The following ATG7 variants were observed in gnomAD, a reference collection of about 807,000 sequenced individuals.
The protein encoded by ATG7 is ubiquitin-like modifier-activating enzyme ATG7.
In ATG7, 70 loss-of-function variants were observed where a neutral mutation model predicts 82.4. The observed-to-expected ratio is 0.85, with a 90% CI of 0.70 to 1.04. The LOEUF is 1.04. Ranked by LOEUF, ATG7 falls within the 50% of genes least tolerant of loss-of-function variation. The pLI is 0.00. For missense variants in ATG7, 792 were observed against 864.3 expected, an observed-to-expected ratio of 0.92 and a Z score of 1.05; for synonymous variants, 287 against 313.0, an observed-to-expected ratio of 0.92 and a Z score of 0.88.
At chr3:11,546,543 C>G (rs767268054) in intron 20 of ATG7, among the ~76,000 whole-genome samples, 1 of 152,168 alleles carries the variant, frequency 6.6e-6, no homozygotes, top group Non-Finnish European at 1.5e-5. Flanking sequence ...GTGCCATTCC[C>G]AAGGTAATTA....
chr3:11,514,994 C>G (rs1293457943), intron 20 of ATG7, among the ~76,000 whole-genome samples: 1 of 151,810 alleles, frequency 6.6e-6, no homozygotes. Context: ...GTGCGCACCA[C>G]CACACCCAGC....
At chr3:11,297,297 G>T (rs1946088634) in intron 3 of ATG7, among the ~76,000 whole-genome samples, 1 of 152,200 alleles carries the variant, frequency 6.6e-6, no homozygotes, top group Admixed American at 6.5e-5. Flanking sequence ...GGCTGAGGTT[G>T]CAGTGAGCTG....
At chr3:11,562,166 G>C (rs2073081721), downstream of ATG7, among the ~76,000 whole-genome samples, 1 of 152,056 alleles carries the variant, frequency 6.6e-6, no homozygotes, top group African/African-American at 2.4e-5. Flanking sequence ...CAAAGGGCTG[G>C]GATTACAGGT....
At chr3:11,346,046 C>T (rs193189946) in intron 13 of ATG7, among the ~76,000 whole-genome samples, 13 of 152,200 alleles carry the variant, frequency 8.5e-5, no homozygotes, top group Admixed American at 3.3e-4. Flanking sequence ...AAAAATGATG[C>T]CTGTCTATGA....
intron 18 of ATG7, among the ~76,000 whole-genome samples, chr3:11,367,446 T>C (rs1033769594): frequency 6.6e-6 from 1 of 152,154 alleles, no homozygotes; most frequent in Admixed American, 6.6e-5. Context: ...AGTAGAAAAG[T>C]GATAGTCCTT....
At chr3:11,508,677 T>C (rs141027703) in intron 20 of ATG7, among the ~76,000 whole-genome samples, 222 of 152,298 alleles carry the variant, frequency 1.5e-3, no homozygotes, top group African/African-American at 5.1e-3. Context: ...TCTCCAACTC[T>C]TGGGCTCAAG....
intron 11 of ATG7, among the ~76,000 whole-genome samples, chr3:11,338,384 G>A (rs1952895341): frequency 6.6e-6 from 1 of 152,118 alleles, no homozygotes; most frequent in African/African-American, 2.4e-5. Context: ...CAGATTCCAT[G>A]TCTTTGATGT....
At chr3:11,459,935 G>A (rs1036487649) in intron 20 of ATG7, among the ~76,000 whole-genome samples, 1 of 152,174 alleles carries the variant, frequency 6.6e-6, no homozygotes, top group Non-Finnish European at 1.5e-5. Context: ...TGTGTGTTAG[G>A]AACAGTGCTT....
chr3:11,488,676 T>C (rs1055244578), intron 20 of ATG7, among the ~76,000 whole-genome samples: 18 of 152,204 alleles, frequency 1.2e-4, no homozygotes, highest in Admixed American at 2.0e-4. Context: ...GAATGATTCT[T>C]CTGGTTCTGT....
intron 7 of ATG7, among the ~76,000 whole-genome samples, chr3:11,312,730 A>G (rs904598279): frequency 8.5e-5 from 13 of 152,372 alleles, no homozygotes; most frequent in Middle Eastern, 3.4e-3. Flanking sequence ...GCATGCATAC[A>G]TATGTGAATA....
intron 18 of ATG7, among the ~76,000 whole-genome samples, chr3:11,374,455 G>A (rs2077242416): frequency 6.6e-6 from 1 of 152,206 alleles, no homozygotes; most frequent in Non-Finnish European, 1.5e-5. Context: ...AGTCCTAAAT[G>A]TGAGAGCTAA....
At chr3:11,470,409 A>G (rs977969898) in intron 20 of ATG7, among the ~76,000 whole-genome samples, 1 of 152,174 alleles carries the variant, frequency 6.6e-6, no homozygotes, top group African/African-American at 2.4e-5. Context: ...AATAGTAAGG[A>G]TTTGAGTATG....
At chr3:11,491,364 T>C (rs2090338033) in intron 20 of ATG7, among the ~76,000 whole-genome samples, 1 of 152,210 alleles carries the variant, frequency 6.6e-6, no homozygotes, top group Non-Finnish European at 1.5e-5. Flanking sequence ...ATTCTAGTTA[T>C]ACATTCGTCT....
At chr3:11,381,776 T>G (rs780459854) in intron 19 of ATG7, among the ~76,000 whole-genome samples, 1 of 152,242 alleles carries the variant, frequency 6.6e-6, no homozygotes, top group Non-Finnish European at 1.5e-5. Context: ...TCATGTGGTC[T>G]GAGTATTAAA....
intron 19 of ATG7, among the ~76,000 whole-genome samples, chr3:11,385,034 T>G (rs1006239689): frequency 5.9e-5 from 9 of 152,072 alleles, no homozygotes; most frequent in Non-Finnish European, 1.0e-4. Flanking sequence ...GTTTGTTTGT[T>G]TGTTTGTTTG....
intron 20 of ATG7, among the ~76,000 whole-genome samples, chr3:11,506,796 A>T (rs2091759291): frequency 6.6e-6 from 1 of 152,120 alleles, no homozygotes; most frequent in Non-Finnish European, 1.5e-5. Context: ...TTAGTTGGGC[A>T]GCCCTGGTCT....
chr3:11,537,998 C>T (rs1575240546), intron 20 of ATG7, among the ~76,000 whole-genome samples: 1 of 115,688 alleles, frequency 8.6e-6, no homozygotes, highest in African/African-American at 2.7e-5. Flanking sequence ...GTAGAAGAGG[C>T]CAGGGAAAGG....
intron 20 of ATG7, among the ~76,000 whole-genome samples, chr3:11,532,642 G>A (rs1559807644): frequency 1.3e-5 from 2 of 152,168 alleles, no homozygotes; most frequent in Non-Finnish European, 2.9e-5. Flanking sequence ...AACACTGCTT[G>A]AGTCCCCAAG....
At chr3:11,488,425 G>A (rs1006053900) in intron 20 of ATG7, 39 of 1,232,896 alleles carry the variant, frequency 3.2e-5, no homozygotes, top group Middle Eastern at 6.0e-4. Flanking sequence ...TCCTCCCGGC[G>A]GTCGGGCAGC....
Sources: allele counts gnomAD v4.1 joint callset (sites outside exome capture counted in the v4.1 genomes callset), GRCh38; gene constraint gnomAD v4.1.1; transcripts MANE v1.5; gene names NCBI Gene and HGNC (gene_info 2026-07-23, HGNC 2026-07-21).